The following KMT2E variants were observed in gnomAD, a reference collection of about 807,000 sequenced individuals.
KMT2E encodes histone reader KMT2E.
Under a neutral mutation model 184.6 loss-of-function variants are expected in KMT2E, and 30 were observed. That is an observed-to-expected ratio of 0.16 (90% CI 0.12 to 0.22). KMT2E has a LOEUF of 0.22. Among genes scored for constraint, KMT2E ranks in the 10% least tolerant of loss-of-function variants. KMT2E has a pLI of 1.00. For missense variants in KMT2E, 2,023 were observed against 2,237.4 expected (o/e 0.90, Z 1.93); for synonymous variants, 815 against 776.5 (o/e 1.05, Z -0.82).
In KMT2E at chr7:105,109,104, C is replaced by G. The variant is rs763485428; in HGVS notation, c.3631C>G (p.His1211Asp). The part of the protein sequence containing the change: ...SSNDNGEQVD[H>D]TASLPLPTPA... ...TAATGACAATGGGGAGCAGGTGGAC[C>G]ACACTGCTAGCCTACCTTTACCAAC... The change falls in exon 23 of 27, where the codon CAC (histidine) becomes GAC (aspartate). Residue 1211 changes from histidine (H) to aspartate (D), a missense_variant. Physicochemically the swap from His to Asp is moderately conservative, Grantham distance 81 (BLOSUM62 -1). Coordinates refer to ENST00000311117, the MANE Select transcript of KMT2E (RefSeq NM_182931.3). 1 of 1,614,130 alleles carries G rather than the reference C, an allele frequency of 6.2e-7. No homozygotes were observed. The highest frequency in any genetic ancestry group is 1.1e-5 in the South Asian group (1 of 91,086).
At position 105,112,798 on chromosome 7, in the gene KMT2E, C is replaced by T. The variant is rs768650730; in HGVS notation, c.5042C>T (p.Pro1681Leu). 3.8e-6 allele frequency: 6 copies of T among 1,597,832 alleles called. No individual in the cohort carries two copies. Among genetic ancestry groups the T allele is most frequent in the Non-Finnish European group, 8.5e-7 (1 of 1,171,732 alleles). ...GCTGGACACCACTTACCCCCACCCC[C>T]ACCCCCTCCTGGTCCTGCCCCTCAT... ...QTAGHHLPPP[P>L]PPPGPAPHHH... Residue 1681 changes from proline to leucine, a missense_variant, in exon 27 of 27, where the codon CCA becomes CTA. Physicochemically the swap from Pro to Leu is moderately conservative, Grantham distance 98. This residue lies in a region of KMT2E where 1,108 missense variants were observed against 1,050.9 expected (regional missense o/e 1.05). Coordinates refer to ENST00000311117, the MANE Select transcript of KMT2E (RefSeq NM_182931.3).
At chr7:105,102,413 T>C in intron 17 of KMT2E, 2 of 396,124 alleles carry the variant, frequency 5.0e-6, no homozygotes, top group Non-Finnish European at 4.4e-6. Flanking sequence ...ATCAGGACTT[T>C]TATGGTATTG....
intron 11 of KMT2E, among the ~76,000 whole-genome samples, chr7:105,078,382 G>C (rs1206803954): frequency 6.6e-6 from 1 of 152,172 alleles, no homozygotes; most frequent in East Asian, 1.9e-4. Flanking sequence ...TGTGGAGTCA[G>C]ACTGCCTATA....
intron 3 of KMT2E, among the ~76,000 whole-genome samples, chr7:105,052,736 TA>T (rs1171918020): frequency 2.6e-5 from 4 of 151,134 alleles, no homozygotes; most frequent in Non-Finnish European, 5.9e-5. Context: ...TTTTTTTTTT[TA>T]TTTTTTTATT....
chr7:105,089,404 G>C (rs1409077057), intron 13 of KMT2E: 2 of 276,672 alleles, frequency 7.2e-6, no homozygotes, highest in Non-Finnish European at 1.4e-5. Context: ...TCACCATGTT[G>C]GCCAGGCTGG....
At chr7:105,095,840 G>A (rs1326975470) in intron 15 of KMT2E, among the ~76,000 whole-genome samples, 1 of 152,046 alleles carries the variant, frequency 6.6e-6, no homozygotes, top group Admixed American at 6.6e-5. Flanking sequence ...GGTGGGGCTA[G>A]ATGGCTGTAA....
intron 1 of KMT2E, among the ~76,000 whole-genome samples, chr7:105,032,279 A>T (rs184307029): frequency 1.3e-5 from 2 of 151,516 alleles, no homozygotes; most frequent in African/African-American, 4.9e-5. Flanking sequence ...TGCTGTCTCT[A>T]CTAAAAATAC....
chr7:105,067,067 A>T (rs866857318), intron 6 of KMT2E, among the ~76,000 whole-genome samples: 27 of 1,576 alleles, frequency 0.017, no homozygotes, highest in African/African-American at 0.058. Context: ...TTTTTTTTTT[A>T]AAAAAAAAAA....
chr7:105,111,295 C>A (rs1450826217), intron 26 of KMT2E: 2 of 168,630 alleles, frequency 1.2e-5, no homozygotes, highest in Admixed American at 5.9e-5. Context: ...AAACTAAAGA[C>A]AAGGAATGTG....
chr7:105,043,237 T>C (rs1451389741), intron 3 of KMT2E, among the ~76,000 whole-genome samples: 1 of 151,268 alleles, frequency 6.6e-6, no homozygotes. Context: ...ATTTCTTTTT[T>C]TCTTTTTTTT....
In KMT2E at chr7:105,075,681, C is replaced by CTT. The variant is rs66733218; in HGVS notation, c.730-351_730-350dup. ...TTTTATATTCTATATAGTCTATATA[C>CTT]TTTTTTTTTTTTAAAGACAGGATCT... On this transcript the variant is annotated intron_variant, in intron 8 of 26. Coordinates refer to ENST00000311117, the MANE Select transcript of KMT2E (RefSeq NM_182931.3). Among the ~76,000 whole-genome samples the CTT allele has an allele frequency of 8.6e-3, 1,245 of 144,592 alleles. 9 individuals carry two copies. Among genetic ancestry groups the CTT allele is most frequent in the Non-Finnish European group, 0.014 (926 of 65,664 alleles). 94.9% of individuals were successfully genotyped at this position (144,592 alleles called of 152,430 possible). A position where few individuals can be genotyped will look rare whatever the true frequency, so the allele number is the denominator to read the frequency against.
In KMT2E at chr7:105,110,284, G is replaced by C; in HGVS notation, c.3760G>C (p.Ala1254Pro). ...AATGTGATTTTTCTTTGAAAGGACT[G>C]CCTCAACTTCAGTGGAACAAGTCAG... ...EKNEPEVQWT[A>P]STSVEQVRER... Residue 1254 changes from alanine (A) to proline (P), a missense_variant, in exon 24 of 27, where the codon GCC becomes CCC. Physicochemically the swap from Ala to Pro is conservative, Grantham distance 27. This residue lies in a region of KMT2E where 1,108 missense variants were observed against 1,050.9 expected (regional missense o/e 1.05). Transcript: ENST00000311117. 6.2e-7 allele frequency: 1 copy of C among 1,613,744 alleles called. No homozygotes were observed. The highest frequency in any genetic ancestry group is 8.5e-7 in the Non-Finnish European group (1 of 1,179,620).
intron 5 of KMT2E, chr7:105,064,093 G>A (rs748651266): frequency 2.4e-6 from 1 of 416,462 alleles, no homozygotes. Context: ...CAGCCACCAA[G>A]AAAGGCCTCC....
chr7:105,085,462 C>T (rs975236911), intron 13 of KMT2E, among the ~76,000 whole-genome samples: 6 of 152,104 alleles, frequency 3.9e-5, no homozygotes, highest in Admixed American at 3.3e-4. Context: ...TCAGGAGAAT[C>T]GCTTGAACCT....
At chr7:105,059,978 G>GTTGTTTT (rs1796734822) in intron 3 of KMT2E, among the ~76,000 whole-genome samples, 7 of 51,796 alleles carry the variant, frequency 1.4e-4, no homozygotes, top group Non-Finnish European at 1.6e-4. Flanking sequence ...TCTTGTTGTT[G>GTTGTTTT]TTTTTTTTTT....
intron 13 of KMT2E, among the ~76,000 whole-genome samples, chr7:105,087,002 T>C (rs1278600858): frequency 6.8e-6 from 1 of 146,944 alleles, no homozygotes; most frequent in Non-Finnish European, 1.5e-5. Context: ...ATATGCTATT[T>C]GTTGGCAAAT....
At chr7:105,071,129 A>G (rs902860803) in intron 6 of KMT2E, among the ~76,000 whole-genome samples, 2 of 152,148 alleles carry the variant, frequency 1.3e-5, no homozygotes, top group South Asian at 4.1e-4. Flanking sequence ...TCTTAAAAAT[A>G]TATGCTGAAG....
intron 2 of KMT2E, among the ~76,000 whole-genome samples, chr7:105,039,633 T>C (rs1795800024): frequency 6.6e-6 from 1 of 152,192 alleles, no homozygotes; most frequent in Non-Finnish European, 1.5e-5. Context: ...GTTAATAACA[T>C]GTTAATAGTG....
chr7:105,053,161 A>T (rs1056089156), intron 3 of KMT2E, among the ~76,000 whole-genome samples: 4 of 152,148 alleles, frequency 2.6e-5, no homozygotes, highest in African/African-American at 7.2e-5. Context: ...TTTGGTTAAT[A>T]CCTGTTTTGG....
Sources: gnomAD v4.1 joint callset for allele counts (sites outside exome capture counted in the v4.1 genomes callset) on GRCh38, gnomAD v4.1.1 for gene constraint, gnomAD v4.1.1 regional missense constraint, MANE v1.5 for transcripts, NCBI Gene and HGNC (gene_info 2026-07-23, HGNC 2026-07-21) for gene names.